The following SLC25A21 variants were observed in gnomAD, a reference collection of about 807,000 sequenced individuals.
SLC25A21 encodes solute carrier family 25 member 21, also known as mitochondrial 2-oxodicarboxylate carrier.
In SLC25A21, 47 loss-of-function variants were observed where a neutral mutation model predicts 43.8. The ratio of observed to expected loss-of-function variants is 1.07; its 90% confidence interval spans 0.85 to 1.37. SLC25A21 has a LOEUF of 1.37. Ranked by LOEUF, SLC25A21 falls within the 40% of genes most tolerant of loss-of-function variation. SLC25A21 has a pLI of 0.00. For missense variants in SLC25A21, 352 were observed against 350.2 expected, an observed-to-expected ratio of 1.00 and a Z score of -0.04; for synonymous variants, 131 against 121.3, an observed-to-expected ratio of 1.08 and a Z score of -0.52.
chr14:37,050,872 C>CAA (rs1056358606), intron 1 of SLC25A21, among the ~76,000 whole-genome samples: 1 of 151,774 alleles, frequency 6.6e-6, no homozygotes, highest in Non-Finnish European at 1.5e-5. Context: ...CTAACAACAA[C>CAA]AAAAAAAAGC....
intron 8 of SLC25A21, among the ~76,000 whole-genome samples, chr14:36,684,293 G>A (rs746998463): frequency 3.9e-5 from 6 of 152,018 alleles, no homozygotes; most frequent in Admixed American, 6.6e-5. Flanking sequence ...AGAAAAAGAG[G>A]GGCGAAGAAA....
At chr14:37,120,138 C>T (rs960537152) in intron 1 of SLC25A21, among the ~76,000 whole-genome samples, 2 of 152,094 alleles carry the variant, frequency 1.3e-5, no homozygotes, top group Non-Finnish European at 2.9e-5. Flanking sequence ...GTCAAGACAG[C>T]TTTTTCTTTA....
At chr14:37,101,512 C>CAGAT (rs1309718086) in intron 1 of SLC25A21, among the ~76,000 whole-genome samples, 4 of 152,016 alleles carry the variant, frequency 2.6e-5, no homozygotes, top group African/African-American at 9.7e-5. Context: ...GTATAAAAGC[C>CAGAT]AGATAAATGA....
chr14:36,696,560 C>T lies in SLC25A21; in HGVS notation c.604-11635G>A, dbSNP rs183351449. On this transcript the variant is annotated intron_variant, in intron 7 of 9. Transcript: ENST00000331299. ...TCCTGGACTTTTTTTGGTTGGTAGG[C>T]TATTACTTACTGCCTCAATTTCAGA... Among the ~76,000 whole-genome samples, 944 of 152,246 alleles carry T rather than the reference C, an allele frequency of 6.2e-3. 14 individuals carry two copies. Among genetic ancestry groups the T allele is most frequent in the African/African-American group, 0.022 (913 of 41,552 alleles).
At chr14:37,002,068 C>A (rs1960501488) in intron 1 of SLC25A21, among the ~76,000 whole-genome samples, 1 of 152,088 alleles carries the variant, frequency 6.6e-6, no homozygotes, top group Admixed American at 6.6e-5. Flanking sequence ...GCATGAGGCA[C>A]TGGGAGGGAT....
intron 1 of SLC25A21, among the ~76,000 whole-genome samples, chr14:37,100,626 A>C (rs999102131): frequency 2.0e-5 from 3 of 152,170 alleles, no homozygotes; most frequent in African/African-American, 7.2e-5. Context: ...ATCACTTCCC[A>C]CACCCAACAC....
Position 36,968,283 on chromosome 14 carries a change from C to T in SLC25A21, c.71-93279G>A, listed in dbSNP as rs117383023. On this transcript the variant is annotated intron_variant, in intron 1 of 9. Coordinates refer to ENST00000331299, the MANE Select transcript of SLC25A21 (RefSeq NM_030631.4). ...TCCCTCATAGCCTCTTCCCCTGGAA[C>T]GACAGCACAGCTAAGCCCCTCTACT... Among the ~76,000 whole-genome samples, 5 of 152,332 alleles carry T rather than the reference C, an allele frequency of 3.3e-5. No homozygotes were observed. The East Asian group carries it at 5.8e-4, about 18-fold the overall frequency.
Position 36,869,007 on chromosome 14 carries a change from C to T in SLC25A21, c.119+5949G>A, listed in dbSNP as rs1890292459. Among the ~76,000 whole-genome samples the T allele has an allele frequency of 2.0e-5, 3 of 152,204 alleles. No homozygotes were observed. The South Asian group carries it at 6.2e-4, about 32-fold the overall frequency. On this transcript the variant is annotated intron_variant, in intron 2 of 9. Coordinates refer to ENST00000331299, the MANE Select transcript of SLC25A21 (RefSeq NM_030631.4). ...GTTATCAGGTCCTGGGCTCTGGCAA[C>T]ACCACCTTCTCCCTTTGTCCCTTCA... is the stretch of plus-strand genomic sequence containing the variant.
At chr14:36,868,891 CCATCCCTCTCTACCT>C (rs1158255929) in intron 2 of SLC25A21, among the ~76,000 whole-genome samples, 1 of 152,084 alleles carries the variant, frequency 6.6e-6, no homozygotes, top group Non-Finnish European at 1.5e-5. Flanking sequence ...AGGACTTCTC[CCATCCCTCTCTACCT>C]CAGGCAGGCA....
At chr14:37,157,956 C>T (rs1963878083) in intron 1 of SLC25A21, among the ~76,000 whole-genome samples, 1 of 152,046 alleles carries the variant, frequency 6.6e-6, no homozygotes, top group Non-Finnish European at 1.5e-5. Flanking sequence ...CTGTAAATAA[C>T]TAAATGGTGA....
At chr14:37,096,753 A>G (rs1176475245) in intron 1 of SLC25A21, among the ~76,000 whole-genome samples, 1 of 152,062 alleles carries the variant, frequency 6.6e-6, no homozygotes, top group Non-Finnish European at 1.5e-5. Context: ...CTCTGATCGA[A>G]TTTTGAATTC....
intron 2 of SLC25A21, among the ~76,000 whole-genome samples, chr14:36,817,098 C>T (rs1364108940): frequency 6.6e-6 from 1 of 152,030 alleles, no homozygotes; most frequent in East Asian, 1.9e-4. Context: ...TTTCTAGATG[C>T]ATTTTCCCAA....
In SLC25A21 at chr14:36,979,156, T is replaced by C. The variant is rs1334381686; in HGVS notation, c.71-104152A>G. On this transcript the variant is annotated intron_variant, in intron 1 of 9. Coordinates refer to ENST00000331299, the MANE Select transcript of SLC25A21 (RefSeq NM_030631.4). ...TTAGACAGCATGATGCTGTTCCTTG[T>C]CAAACTCAAGAAATTTCCTGGTCCT... 2.0e-5 allele frequency among the ~76,000 whole-genome samples: 3 copies of C among 152,118 alleles called. No homozygotes were observed. In the East Asian group the frequency reaches 5.8e-4, roughly 29 times the overall value.
At chr14:36,758,885 T>C (rs549943784) in intron 3 of SLC25A21, among the ~76,000 whole-genome samples, 9 of 152,242 alleles carry the variant, frequency 5.9e-5, no homozygotes, top group South Asian at 2.1e-4. Context: ...GTGAGTTACA[T>C]TGAGAAAGGA....
Position 36,680,437 on chromosome 14 carries a change from T to C in SLC25A21, c.*221A>G. The C allele has an allele frequency of 1.7e-6, 2 of 1,158,376 alleles. No homozygotes were observed. The highest frequency in any genetic ancestry group is 3.6e-5 in the East Asian group (1 of 27,642). 71.8% of individuals were successfully genotyped at this position (1,158,376 alleles called of 1,614,324 possible). On this transcript the variant is annotated 3_prime_UTR_variant, in exon 10 of 10. Transcript: ENST00000331299. ...TTCTATATTCACTTTAAATACCTCATTGTTTCATATTATTTTTTTCTTCTC... is the reference window on the plus strand; with the variant it reads ...TTCTATATTCACTTTAAATACCTCACTGTTTCATATTATTTTTTTCTTCTC...
chr14:37,100,383 TC>T (rs1962794726), intron 1 of SLC25A21, among the ~76,000 whole-genome samples: 1 of 152,066 alleles, frequency 6.6e-6, no homozygotes, highest in Admixed American at 6.6e-5. Flanking sequence ...AAGGCTTCCC[TC>T]TTTGCTGTCT....
chr14:37,036,590 A>G (rs1481287324), intron 1 of SLC25A21, among the ~76,000 whole-genome samples: 5 of 152,164 alleles, frequency 3.3e-5, no homozygotes, highest in Non-Finnish European at 7.3e-5. Context: ...ATTAAAATTT[A>G]AAGATAAATA....
intron 1 of SLC25A21, among the ~76,000 whole-genome samples, chr14:37,090,191 C>T (rs1455404715): frequency 6.6e-6 from 1 of 152,210 alleles, no homozygotes; most frequent in Non-Finnish European, 1.5e-5. Context: ...TTTAGGGCAT[C>T]TGGGAAGCTG....
intron 3 of SLC25A21, among the ~76,000 whole-genome samples, chr14:36,798,287 A>T (rs1887742329): frequency 6.6e-6 from 1 of 152,054 alleles, no homozygotes; most frequent in African/African-American, 2.4e-5. Flanking sequence ...TCCTATGGGG[A>T]CAGTTTATTT....
Sources: gnomAD v4.1 joint callset for allele counts (sites outside exome capture counted in the v4.1 genomes callset) on GRCh38, gnomAD v4.1.1 for gene constraint, MANE v1.5 for transcripts, NCBI Gene and HGNC (gene_info 2026-07-23, HGNC 2026-07-21) for gene names.